The following ESCO1 variants were observed in gnomAD, a reference collection of about 807,000 sequenced individuals.
ESCO1 encodes the protein establishment of sister chromatid cohesion N-acetyltransferase 1, also known as N-acetyltransferase ESCO1.
ESCO1 carries 33 observed loss-of-function variants against 83.5 expected under a neutral mutation model. The ratio of observed to expected loss-of-function variants is 0.40; its 90% CI spans 0.30 to 0.53. ESCO1 has a LOEUF of 0.53. ESCO1 is among the 20% of genes least tolerant of loss of function. The pLI is 0.63. For synonymous variants in ESCO1, 332 were observed against 324.3 expected, an observed-to-expected ratio of 1.02 and a Z score of -0.25; for missense variants, 855 against 968.0, an observed-to-expected ratio of 0.88 and a Z score of 1.55.
chr18:21,564,430 G>A (rs1310511266), intron 6 of ESCO1, 113 bp from the exon 7 acceptor site: 27 of 729,170 alleles, frequency 3.7e-5, no homozygotes, highest in South Asian at 1.2e-4. Flanking sequence ...TCACTCTGTC[G>A]CCCAGGCTGG....
chr18:21,564,094 C>T, intron 7 of ESCO1, 109 bp downstream of exon 7: 2 of 742,884 alleles, frequency 2.7e-6, no homozygotes, highest in Non-Finnish European at 4.4e-6. Flanking sequence ...GCCAAATAAA[C>T]CTCTTTTCTA....
Position 21,587,643 on chromosome 18 carries a change from A to C in ESCO1, c.-824-3203T>G, listed in dbSNP as rs964942564. On this transcript the variant is annotated intron_variant, in intron 1 of 11. Coordinates refer to ENST00000269214, the MANE Select transcript of ESCO1 (RefSeq NM_052911.3). ...CTCTCTCATTAAAAACTTTTTTAAA[A>C]AAGATAAAAGTAGCCAGGTGTAGTA... 2.6e-5 allele frequency among the ~76,000 whole-genome samples: 4 copies of C among 152,152 alleles called. No individual in the cohort carries two copies. The East Asian group carries it at 7.7e-4, about 29-fold the overall frequency.
At position 21,573,589 on chromosome 18, in the gene ESCO1, G is replaced by C. The variant is rs760501491; in HGVS notation, c.1255C>G (p.Arg419Gly). The change falls in exon 4 of 12, where the codon CGA becomes GGA. Residue 419 changes from arginine (R) to glycine (G), a missense_variant. By Grantham distance (125) the Arg-to-Gly change is moderately radical (BLOSUM62 -2). Transcript: ENST00000269214. ...SQVSPKLGLL[R>G]TSFSPPALEM... ...AAAGCTGGTGGTGAAAAACTGGTTCGTAATAAGCCTAATTTAGGGGAAACT... is the reference window on the plus strand; with the variant it reads ...AAAGCTGGTGGTGAAAAACTGGTTCCTAATAAGCCTAATTTAGGGGAAACT... The C allele has an allele frequency of 6.2e-7, 1 of 1,614,090 alleles. No homozygotes were observed. The highest frequency in any genetic ancestry group is 1.7e-5 in the Admixed American group (1 of 59,992).
At chr18:21,599,432 A>G (rs1313891275) in intron 1 of ESCO1, among the ~76,000 whole-genome samples, 1 of 152,222 alleles carries the variant, frequency 6.6e-6, no homozygotes, top group Non-Finnish European at 1.5e-5. Context: ...AAGTGAATAT[A>G]GCATAGTTCA....
chr18:21,555,783 C>CA (rs2038104670), intron 8 of ESCO1, among the ~76,000 whole-genome samples: 1 of 152,066 alleles, frequency 6.6e-6, no homozygotes, highest in Non-Finnish European at 1.5e-5. Flanking sequence ...CCCTAGGTGA[C>CA]AGAGCGAGAC....
intron 8 of ESCO1, 72 bp downstream of exon 8, chr18:21,560,787 G>T: frequency 6.5e-7 from 1 of 1,538,730 alleles, no homozygotes. Flanking sequence ...TTTAAATTTG[G>T]CAACTCATCT....
chr18:21,564,464 C>T, intron 6 of ESCO1, 147 bp from the exon 7 acceptor site: 1 of 543,664 alleles, frequency 1.8e-6, no homozygotes, highest in Non-Finnish European at 3.2e-6. Flanking sequence ...AATCTTGGCT[C>T]ACTGCAAACT....
intron 1 of ESCO1, among the ~76,000 whole-genome samples, chr18:21,590,990 T>C (rs1229528748): frequency 6.6e-6 from 1 of 151,944 alleles, no homozygotes; most frequent in Non-Finnish European, 1.5e-5. Context: ...AATTATACCC[T>C]TTTCTCTAAA....
At chr18:21,551,271 C>T (rs1410962399) in intron 8 of ESCO1, among the ~76,000 whole-genome samples, 1 of 151,932 alleles carries the variant, frequency 6.6e-6, no homozygotes, top group Non-Finnish European at 1.5e-5. Flanking sequence ...GAGATCGATA[C>T]CATCCTGGCT....
chr18:21,551,575 C>A (rs1399095485), intron 8 of ESCO1, among the ~76,000 whole-genome samples: 1 of 152,212 alleles, frequency 6.6e-6, no homozygotes, highest in Admixed American at 6.5e-5. Context: ...AACAAGCAAG[C>A]CTGCCACAGA....
At chr18:21,588,085 G>A in intron 1 of ESCO1, among the ~76,000 whole-genome samples, 1 of 141,870 alleles carries the variant, frequency 7.0e-6, no homozygotes. Context: ...GGGCAACCCA[G>A]CAAGGATCCA....
chr18:21,530,408 T>C lies in ESCO1; in HGVS notation c.2458A>G (p.Thr820Ala). ...DPTPDGKLFA[T>A]QYCGTGQFLV... ...AATTGACCAGTGCCACAGTACTGTG[T>C]TGCAAACAGCTTTCCATCAGGAGTG... Residue 820 changes from threonine to alanine, a missense_variant, in exon 12 of 12, where the codon ACA (threonine) becomes GCA (alanine). By Grantham distance (58) the Thr-to-Ala change is moderately conservative. Transcript: ENST00000269214. 1 of 1,610,484 alleles carries C rather than the reference T, an allele frequency of 6.2e-7. No individual in the cohort carries two copies. Among genetic ancestry groups the C allele is most frequent in the Non-Finnish European group, 8.5e-7 (1 of 1,179,346 alleles).
rs184456892 is a variant in ESCO1 at position 21,558,239 on chromosome 18, G to T, written c.1953+2620C>A. ...CAAATAAAATTCATTTCCCCAAATG[G>T]TGTCAGCCAAGCAGATGGGGTAAAA... On this transcript the variant is annotated intron_variant, in intron 8 of 11. Transcript: ENST00000269214. Among the ~76,000 whole-genome samples, 4 of 152,074 alleles carry T rather than the reference G, an allele frequency of 2.6e-5. No homozygotes were observed. The East Asian group carries it at 7.7e-4, about 29-fold the overall frequency.
At chr18:21,540,121 GCAAAC>G in intron 8 of ESCO1, 112 bp from the exon 9 acceptor site, 1 of 999,386 alleles carries the variant, frequency 1.0e-6, no homozygotes, top group Non-Finnish European at 1.4e-6. Context: ...TCTAAAAATT[GCAAAC>G]ATGAAAAATA....
chr18:21,586,066 T>G (rs1285098965), intron 1 of ESCO1, among the ~76,000 whole-genome samples: 2 of 152,228 alleles, frequency 1.3e-5, no homozygotes, highest in Non-Finnish European at 2.9e-5. Context: ...TTCTAGTTAT[T>G]TTGAAATACG....
chr18:21,549,737 C>T (rs541716288), intron 8 of ESCO1, among the ~76,000 whole-genome samples: 85 of 152,178 alleles, frequency 5.6e-4, no homozygotes, highest in African/African-American at 1.9e-3. Context: ...GAGGCCGAGG[C>T]GGGTGGATTA....
At chr18:21,572,747 C>T (rs1189610629) in intron 4 of ESCO1, among the ~76,000 whole-genome samples, 4 of 151,988 alleles carry the variant, frequency 2.6e-5, no homozygotes, top group Non-Finnish European at 5.9e-5. Context: ...GATGGATTAC[C>T]TGAGGTCGGG....
intron 8 of ESCO1, among the ~76,000 whole-genome samples, chr18:21,545,049 T>A (rs968766681): frequency 2.0e-5 from 3 of 152,210 alleles, no homozygotes; most frequent in Non-Finnish European, 4.4e-5. Context: ...CATGGGTGTG[T>A]TCACTTTGTG....
chr18:21,576,628 A>T (rs1343751577), intron 2 of ESCO1, among the ~76,000 whole-genome samples: 1 of 152,252 alleles, frequency 6.6e-6, no homozygotes, highest in Non-Finnish European at 1.5e-5. Context: ...TTGACTTAGT[A>T]GGCTCAAGAA....
Sources: allele counts gnomAD v4.1 joint callset (sites outside exome capture counted in the v4.1 genomes callset), GRCh38; gene constraint gnomAD v4.1.1; transcripts MANE v1.5; gene names NCBI Gene and HGNC (gene_info 2026-07-23, HGNC 2026-07-21).